Variants in OPHN1 observed in about 807,000 individuals in gnomAD.
OPHN1 encodes the protein oligophrenin 1, also known as oligophrenin-1.
Under a neutral mutation model 60.7 loss-of-function variants are expected in OPHN1, and 11 were observed. The ratio of observed to expected loss-of-function variants is 0.18; its 90% CI spans 0.11 to 0.30. The LOEUF is 0.30. Ranked by LOEUF, OPHN1 falls within the 10% of genes least tolerant of loss-of-function variation. OPHN1 has a pLI of 1.00. For synonymous variants in OPHN1, 226 were observed against 222.6 expected (o/e 1.02, Z -0.14); for missense variants, 449 against 611.0 (o/e 0.73, Z 2.80).
intron 20 of OPHN1, among the ~76,000 whole-genome samples, chrX:68,069,293 T>C (rs1381911085): frequency 8.9e-6 from 1 of 111,744 alleles, no homozygotes; most frequent in Non-Finnish European, 1.9e-5. Flanking sequence ...AATTACTATA[T>C]GCCTGGCACT....
At chrX:68,282,425 G>A (rs1383006349) in intron 4 of OPHN1, among the ~76,000 whole-genome samples, 1 of 111,667 alleles carries the variant, frequency 9.0e-6, no homozygotes, top group African/African-American at 3.3e-5. Context: ...TTGGACAAAA[G>A]AAATGTTCAC....
chrX:68,049,467 T>C (rs746573162), intron 23 of OPHN1, among the ~76,000 whole-genome samples: 15 of 111,867 alleles, frequency 1.3e-4, no homozygotes, highest in South Asian at 1.2e-3. Context: ...CAAGGTCTTA[T>C]TGAGTCTTTC....
intron 10 of OPHN1, among the ~76,000 whole-genome samples, chrX:68,202,350 G>A (rs1403650445): frequency 8.9e-6 from 1 of 111,926 alleles, no homozygotes; most frequent in Non-Finnish European, 1.9e-5. Flanking sequence ...CTTTAGTCCT[G>A]TAGGTAATTA....
chrX:68,377,285 A>G (rs2078564038), intron 2 of OPHN1, among the ~76,000 whole-genome samples: 1 of 108,799 alleles, frequency 9.2e-6, no homozygotes, highest in Admixed American at 1.0e-4. Flanking sequence ...TTTGGTAAAG[A>G]CAGGGTTTCA....
intron 15 of OPHN1, among the ~76,000 whole-genome samples, chrX:68,167,669 A>G (rs2077365849): frequency 9.3e-6 from 1 of 107,385 alleles, no homozygotes; most frequent in Admixed American, 1.0e-4. Context: ...ATACATATAT[A>G]TGCATACACA....
At chrX:68,202,619 C>G (rs2077539988) in intron 10 of OPHN1, among the ~76,000 whole-genome samples, 1 of 109,951 alleles carries the variant, frequency 9.1e-6, no homozygotes, top group Non-Finnish European at 1.9e-5. Context: ...CCTGCCTCAG[C>G]CTCCTGAGTA....
intron 19 of OPHN1, among the ~76,000 whole-genome samples, chrX:68,089,789 A>C (rs950048289): frequency 9.0e-6 from 1 of 111,643 alleles, no homozygotes; most frequent in Non-Finnish European, 1.9e-5. Flanking sequence ...CACCTCAAAC[A>C]GGGCCTGACT....
chrX:68,415,561 T>C (rs766003719), intron 2 of OPHN1, among the ~76,000 whole-genome samples: 1 of 111,928 alleles, frequency 8.9e-6, no homozygotes, highest in South Asian at 3.7e-4. Flanking sequence ...AACTGCTGTC[T>C]GGCCCCTTTA....
chrX:68,380,591 A>G (rs1268763169), intron 2 of OPHN1, among the ~76,000 whole-genome samples: 1 of 110,988 alleles, frequency 9.0e-6, no homozygotes, highest in Admixed American at 9.7e-5. Flanking sequence ...CCCTCTACAC[A>G]CTGCTTTGAA....
At chrX:68,337,834 T>TATTTTATAATG (rs1243493895) in intron 2 of OPHN1, among the ~76,000 whole-genome samples, 2 of 104,799 alleles carry the variant, frequency 1.9e-5, no homozygotes, top group African/African-American at 3.5e-5. Context: ...TCAGGAGAGA[T>TATTTTATAATG]ATTTTATAAT....
intron 6 of OPHN1, among the ~76,000 whole-genome samples, chrX:68,224,109 C>T (rs1471093226): frequency 9.0e-6 from 1 of 111,729 alleles, no homozygotes; most frequent in Non-Finnish European, 1.9e-5. Context: ...CTGAATCTAA[C>T]TGACATCTTT....
intron 15 of OPHN1, among the ~76,000 whole-genome samples, chrX:68,183,768 A>AT (rs1307121024): frequency 1.8e-5 from 2 of 112,674 alleles, no homozygotes; most frequent in African/African-American, 6.4e-5. Flanking sequence ...GGTATCCCCC[A>AT]TGTATGCATG....
intron 2 of OPHN1, among the ~76,000 whole-genome samples, chrX:68,416,390 A>G (rs2078799240): frequency 9.0e-6 from 1 of 110,705 alleles, no homozygotes; most frequent in Admixed American, 9.7e-5. Context: ...GAAAAATCCC[A>G]TCGACTATCT....
At chrX:68,070,063 G>C (rs1036514352) in intron 20 of OPHN1, among the ~76,000 whole-genome samples, 1 of 111,452 alleles carries the variant, frequency 9.0e-6, no homozygotes, top group African/African-American at 3.3e-5. Flanking sequence ...GATGTGATCT[G>C]ATTTCCATTT....
At chrX:68,254,104 C>T (rs2077849648) in intron 5 of OPHN1, among the ~76,000 whole-genome samples, 1 of 111,667 alleles carries the variant, frequency 9.0e-6, no homozygotes, top group Non-Finnish European at 1.9e-5. Context: ...TCTCAGCTTT[C>T]TTAGACTTCA....
chrX:68,177,029 T>C (rs541881841), intron 15 of OPHN1, among the ~76,000 whole-genome samples: 3 of 108,457 alleles, frequency 2.8e-5, no homozygotes, highest in African/African-American at 1.0e-4. Flanking sequence ...GGAATATTAT[T>C]CGGCCTTTAA....
intron 15 of OPHN1, among the ~76,000 whole-genome samples, chrX:68,125,653 G>A (rs1036433173): frequency 3.7e-5 from 4 of 108,588 alleles, no homozygotes; most frequent in African/African-American, 1.0e-4. Flanking sequence ...AACCTGAACC[G>A]ACCAATAACA....
intron 5 of OPHN1, among the ~76,000 whole-genome samples, chrX:68,261,798 C>T (rs2077894999): frequency 9.0e-6 from 1 of 111,660 alleles, no homozygotes; most frequent in Non-Finnish European, 1.9e-5. Flanking sequence ...GGACTCGCAG[C>T]CAAAGAACTT....
At chrX:68,311,053 G>A (rs1442452263) in intron 2 of OPHN1, among the ~76,000 whole-genome samples, 4 of 111,341 alleles carry the variant, frequency 3.6e-5, no homozygotes, top group South Asian at 3.8e-4. Flanking sequence ...CCAAGAGTTC[G>A]AGACCAGCCT....
Sources: allele counts gnomAD v4.1 joint callset (sites outside exome capture counted in the v4.1 genomes callset), GRCh38; gene constraint gnomAD v4.1.1; transcripts MANE v1.5; gene names NCBI Gene and HGNC (gene_info 2026-07-23, HGNC 2026-07-21).